KLHL12: variants seen among roughly 807,000 people sequenced by gnomAD.
KLHL12 encodes kelch-like protein 12.
In KLHL12, 17 loss-of-function variants were observed where a neutral mutation model predicts 60.8. That is an observed-to-expected ratio of 0.28 (90% CI 0.19 to 0.42). KLHL12 has a LOEUF of 0.42. Among genes scored for constraint, KLHL12 ranks in the 10% least tolerant of loss-of-function variants. The pLI is 1.00. For missense variants in KLHL12, 468 were observed against 722.3 expected (o/e 0.65, Z 4.04); for synonymous variants, 220 against 250.9 (o/e 0.88, Z 1.16).
intron 2 of KLHL12, 73 bp from the exon 3 acceptor site, chr1:202,919,981 A>G (rs1040295654): frequency 6.3e-6 from 8 of 1,265,404 alleles, no homozygotes; most frequent in Non-Finnish European, 7.9e-6. Flanking sequence ...CATATCTAAG[A>G]GCTTAGAGAT....
intron 6 of KLHL12, among the ~76,000 whole-genome samples, chr1:202,904,387 AAT>A (rs1660120426): frequency 6.6e-6 from 1 of 152,174 alleles, no homozygotes; most frequent in Middle Eastern, 3.4e-3. Flanking sequence ...TATTTATTCA[AAT>A]ATGTTTTTAT....
intron 1 of KLHL12, among the ~76,000 whole-genome samples, chr1:202,926,868 C>A (rs1653589058): frequency 6.6e-6 from 1 of 152,190 alleles, no homozygotes; most frequent in East Asian, 1.9e-4. Context: ...AGGCATATGG[C>A]CGCCACCGCC....
intron 2 of KLHL12, among the ~76,000 whole-genome samples, chr1:202,923,675 T>C (rs1187350500): frequency 3.3e-5 from 5 of 152,206 alleles, no homozygotes; most frequent in Non-Finnish European, 7.3e-5. Context: ...AGTGATTTAA[T>C]ATCTGAAACC....
At chr1:202,912,546 A>T in intron 4 of KLHL12, 2 of 1,058,596 alleles carry the variant, frequency 1.9e-6, no homozygotes, top group Non-Finnish European at 2.9e-6. Flanking sequence ...GGTGGAAGCT[A>T]CAGTGATTTT....
At chr1:202,910,343 G>A (rs1005168218) in intron 5 of KLHL12, among the ~76,000 whole-genome samples, 1 of 152,210 alleles carries the variant, frequency 6.6e-6, no homozygotes, top group Non-Finnish European at 1.5e-5. Context: ...TGAATTGGTT[G>A]TAAGAAAGAC....
intron 7 of KLHL12, 88 bp downstream of exon 7, chr1:202,896,766 A>T: frequency 2.0e-6 from 2 of 981,622 alleles, no homozygotes; most frequent in Non-Finnish European, 3.3e-6. Context: ...AGGCTTTTCT[A>T]CTCTTAAGGC....
intron 4 of KLHL12, among the ~76,000 whole-genome samples, chr1:202,916,830 A>C (rs1660535676): frequency 1.3e-5 from 2 of 151,990 alleles, no homozygotes; most frequent in Admixed American, 1.3e-4. Flanking sequence ...ATTTTAAAAA[A>C]TTAGCCCGGT....
In KLHL12 at chr1:202,892,673, A is replaced by C; in HGVS notation, c.1581-14T>G. 6.2e-7 allele frequency: 1 copy of C among 1,612,184 alleles called. No individual in the cohort carries two copies. Among genetic ancestry groups the C allele is most frequent in the Non-Finnish European group, 8.5e-7 (1 of 1,178,500 alleles). ...TTACCATCATATCTGAGTGGGAAAG[A>C]AGCAAAAGAAAGAAATGAGTCAGCT... On this transcript the variant is annotated splice_polypyrimidine_tract_variant and intron_variant, in intron 11 of 11. Transcript: ENST00000367261.
At chr1:202,907,778 C>T (rs1271588530) in intron 6 of KLHL12, among the ~76,000 whole-genome samples, 2 of 151,396 alleles carry the variant, frequency 1.3e-5, no homozygotes, top group Non-Finnish European at 2.9e-5. Flanking sequence ...CATGGTGGCA[C>T]GTGCCTGCGG....
chr1:202,917,196 C>G (rs992854471), intron 4 of KLHL12, among the ~76,000 whole-genome samples: 1 of 152,102 alleles, frequency 6.6e-6, no homozygotes, highest in African/African-American at 2.4e-5. Flanking sequence ...GTAGTATCCC[C>G]CTGGTAGGTG....
rs71142574 is a variant in KLHL12 at position 202,905,968 on chromosome 1, CTTTTT to C, written c.832+3037_832+3041del. 5.3e-3 allele frequency among the ~76,000 whole-genome samples: 272 copies of C among 51,666 alleles called. 1 individual carries two copies. Among genetic ancestry groups the C allele is most frequent in the African/African-American group, 0.018 (237 of 13,536 alleles). The allele number at this position is 51,666 out of a possible 152,430, so 33.9% of individuals were successfully genotyped here. A position where few individuals can be genotyped will look rare whatever the true frequency, so the allele number is the denominator to read the frequency against. ...TACAGGTGCCCGCCACCACACCTGG[CTTTTT>C]TTTTTTTTTTTTTTTTTTTGTATTT... On this transcript the variant is annotated intron_variant, in intron 6 of 11. Transcript: ENST00000367261.
In KLHL12 at chr1:202,924,835, C is replaced by T. The variant is rs1433880515; in HGVS notation, c.195+133G>A. ...AGGCATAGTCATCTAAGTGGTAGAT[C>T]TTATCCAGAATCTGCCAAAACATCA... On this transcript the variant is annotated intron_variant, in intron 2 of 11. Transcript: ENST00000367261. 3.9e-6 allele frequency: 4 copies of T among 1,029,112 alleles called. No individual in the cohort carries two copies. The Admixed American group carries it at 1.1e-4, about 30-fold the overall frequency. The allele number at this position is 1,029,112 out of a possible 1,614,324, so 63.7% of individuals were successfully genotyped here. A position where few individuals can be genotyped will look rare whatever the true frequency, so the allele number is the denominator to read the frequency against.
At chr1:202,897,299 G>T (rs1297567799) in intron 6 of KLHL12, among the ~76,000 whole-genome samples, 14 of 125,106 alleles carry the variant, frequency 1.1e-4, no homozygotes, top group Admixed American at 4.1e-4. Context: ...GCAATTCCAT[G>T]ATCTCGGCTC....
At position 202,892,557 on chromosome 1, in the gene KLHL12, A is replaced by G. The variant is rs1659709419; in HGVS notation, c.1683T>C (p.Gly561=). The change falls in exon 12 of 12, where the codon GGT becomes GGC. Residue 561 remains glycine (G), a synonymous_variant. Coordinates refer to ENST00000367261, the MANE Select transcript of KLHL12 (RefSeq NM_021633.4). ...GTCACTTCTCGCGGAGAACACAAAC[A>G]CCAGCATCACAGCGCTGGGTTCCCA... is the stretch of plus-strand genomic sequence containing the variant. ...TSMGTQRCDA[G]VCVLREK is the part of the protein sequence containing the mutation. 6.2e-7 allele frequency: 1 copy of G among 1,613,936 alleles called. No individual in the cohort carries two copies. Among genetic ancestry groups the G allele is most frequent in the Non-Finnish European group, 8.5e-7 (1 of 1,180,020 alleles).
chr1:202,897,030 T>C, intron 6 of KLHL12, 70 bp from the exon 7 acceptor site: 1 of 1,137,512 alleles, frequency 8.8e-7, no homozygotes, highest in South Asian at 1.2e-5. Flanking sequence ...CACAGGGAAG[T>C]GTCAACAGAA....
chr1:202,922,779 C>T (rs1216725211), intron 2 of KLHL12, among the ~76,000 whole-genome samples: 1 of 152,002 alleles, frequency 6.6e-6, no homozygotes, highest in East Asian at 1.9e-4. Flanking sequence ...AGCCACCACG[C>T]CCAGCTGAAG....
chr1:202,891,156 A>G lies in KLHL12; in HGVS notation c.*1377T>C, dbSNP rs1285151327. On this transcript the variant is annotated 3_prime_UTR_variant, in exon 12 of 12. Transcript: ENST00000367261. The stretch of plus-strand genomic sequence containing the variant: ...TGATTTTTAATATTTTCTTAAAAAA[A>G]TACAAAGGAAATTAACTCTGTAGGT... The G allele has an allele frequency of 6.6e-6, 1 of 152,454 alleles. No individual in the cohort carries two copies. The highest frequency in any genetic ancestry group is 2.4e-5 in the African/African-American group (1 of 41,316). The allele number at this position is 152,454 out of a possible 1,614,324, so 9.4% of individuals were successfully genotyped here.
intron 6 of KLHL12, among the ~76,000 whole-genome samples, chr1:202,906,558 A>ATTTTT (rs1660198406): frequency 3.9e-5 from 6 of 152,090 alleles, no homozygotes. Context: ...TTAAGACAAA[A>ATTTTT]AGAGTTACAG....
chr1:202,896,721 A>G (rs1486433129), intron 7 of KLHL12, 133 bp downstream of exon 7: 5 of 731,646 alleles, frequency 6.8e-6, no homozygotes, highest in Non-Finnish European at 1.2e-5. Flanking sequence ...TACCTACTAT[A>G]TGCACAAGAC....
Sources: allele counts gnomAD v4.1 joint callset (sites outside exome capture counted in the v4.1 genomes callset), GRCh38; gene constraint gnomAD v4.1.1; transcripts MANE v1.5; gene names NCBI Gene and HGNC (gene_info 2026-07-23, HGNC 2026-07-21).